The following AOAH variants were observed in gnomAD, a reference collection of about 807,000 sequenced individuals.
AOAH encodes the protein acyloxyacyl hydrolase (neutrophil).
In AOAH, 64 loss-of-function variants were observed where a neutral mutation model predicts 92.2. The observed-to-expected ratio is 0.69, with a 90% CI of 0.57 to 0.86. The LOEUF is 0.86. Ranked by LOEUF, AOAH falls within the 40% of genes least tolerant of loss-of-function variation. AOAH has a pLI of 0.00. For synonymous variants in AOAH, 263 were observed against 254.5 expected, an observed-to-expected ratio of 1.03 and a Z score of -0.32; for missense variants, 656 against 694.6, an observed-to-expected ratio of 0.94 and a Z score of 0.62.
At chr7:36,638,052 A>T in intron 4 of AOAH, 142 bp from the exon 5 acceptor site, 1 of 709,994 alleles carries the variant, frequency 1.4e-6, no homozygotes, top group Non-Finnish European at 2.3e-6. Flanking sequence ...AATTCACAAG[A>T]AGGCAATTTC....
At chr7:36,658,002 T>C (rs1013472668) in intron 4 of AOAH, among the ~76,000 whole-genome samples, 1 of 152,018 alleles carries the variant, frequency 6.6e-6, no homozygotes, top group African/African-American at 2.4e-5. Context: ...AAACAGAAAA[T>C]ATTATGATAT....
intron 11 of AOAH, among the ~76,000 whole-genome samples, chr7:36,610,046 C>G (rs1440992628): frequency 6.6e-6 from 1 of 150,910 alleles, no homozygotes; most frequent in East Asian, 1.9e-4. Flanking sequence ...CTTACCTAGG[C>G]TGACTCCTTG....
chr7:36,552,016 A>T (rs1168741122), intron 13 of AOAH, among the ~76,000 whole-genome samples: 1 of 152,222 alleles, frequency 6.6e-6, no homozygotes, highest in Non-Finnish European at 1.5e-5. Flanking sequence ...TCACCCAGGT[A>T]CTGAGCATAG....
chr7:36,660,233 G>A (rs1795128370), intron 3 of AOAH, among the ~76,000 whole-genome samples: 1 of 152,204 alleles, frequency 6.6e-6, no homozygotes, highest in Non-Finnish European at 1.5e-5. Flanking sequence ...AGCCTGTTTG[G>A]TGGTCTCTTC....
rs573532390 is a variant in AOAH at position 36,670,623 on chromosome 7, C to T, written c.290+3320G>A. On this transcript the variant is annotated intron_variant, in intron 3 of 20. Coordinates refer to ENST00000617537, the MANE Select transcript of AOAH (RefSeq NM_001637.4). Reference sequence around the variant, plus strand: ...CCGAGTAGCTGGGACTACAGGCGCGCGCCACCACACCCGGCTAATTTTTTT... The same window carrying T: ...CCGAGTAGCTGGGACTACAGGCGCGTGCCACCACACCCGGCTAATTTTTTT... 4.9e-4 allele frequency among the ~76,000 whole-genome samples: 74 copies of T among 152,184 alleles called. 1 individual carries two copies. Among genetic ancestry groups the T allele is most frequent in the African/African-American group, 1.5e-3 (62 of 41,524 alleles).
intron 12 of AOAH, among the ~76,000 whole-genome samples, chr7:36,581,914 C>G (rs1378659862): frequency 1.3e-5 from 2 of 152,132 alleles, no homozygotes; most frequent in African/African-American, 4.8e-5. Flanking sequence ...TATAATCTCT[C>G]TTATATATTT....
rs758999474 is a variant in AOAH, at chr7:36,594,542, A to G, written c.847-112T>C. The stretch of plus-strand genomic sequence containing the variant: ...TCTGTGTGTCTGTTTCCCACTCTCA[A>G]TCTCTCGCTTTAAGGGCTTTTGGTA... On this transcript the variant is annotated intron_variant, in intron 11 of 20. Coordinates refer to ENST00000617537, the MANE Select transcript of AOAH (RefSeq NM_001637.4). The G allele has an allele frequency of 2.5e-5, 22 of 893,792 alleles. No homozygotes were observed. In the East Asian group the frequency reaches 3.7e-4, roughly 15 times the overall value. The allele number at this position is 893,792 out of a possible 1,614,324, so 55.4% of individuals were successfully genotyped here.
At chr7:36,529,344 A>G (rs1290645255) in intron 19 of AOAH, among the ~76,000 whole-genome samples, 5 of 152,238 alleles carry the variant, frequency 3.3e-5, no homozygotes, top group African/African-American at 1.2e-4. Context: ...TGTTTACACC[A>G]GGAATTCATT....
At chr7:36,551,347 C>T (rs1786240664) in intron 13 of AOAH, among the ~76,000 whole-genome samples, 1 of 152,154 alleles carries the variant, frequency 6.6e-6, no homozygotes, top group Non-Finnish European at 1.5e-5. Flanking sequence ...GCTGGGATTA[C>T]AGGTGTGAGC....
chr7:36,669,020 A>C (rs556001653), intron 3 of AOAH, among the ~76,000 whole-genome samples: 5 of 152,380 alleles, frequency 3.3e-5, no homozygotes, highest in African/African-American at 1.2e-4. Context: ...GATTGCTTGA[A>C]TTAGAATCAT....
chr7:36,640,720 C>T (rs1047515543), intron 4 of AOAH, among the ~76,000 whole-genome samples: 1 of 152,148 alleles, frequency 6.6e-6, no homozygotes, highest in Non-Finnish European at 1.5e-5. Context: ...GGTACTCTAC[C>T]TAAGATTCAG....
intron 19 of AOAH, among the ~76,000 whole-genome samples, chr7:36,529,131 T>TC (rs901934303): frequency 1.1e-4 from 17 of 152,140 alleles, no homozygotes; most frequent in East Asian, 1.9e-4. Flanking sequence ...AGATATGGTA[T>TC]CCCCATTTCC....
At chr7:36,717,623 A>T (rs1307878635) in intron 1 of AOAH, among the ~76,000 whole-genome samples, 3 of 151,994 alleles carry the variant, frequency 2.0e-5, no homozygotes, top group Non-Finnish European at 4.4e-5. Context: ...CTGGCGGCCA[A>T]CATTTTTTGT....
chr7:36,657,600 C>T (rs1224940406), intron 4 of AOAH, among the ~76,000 whole-genome samples: 3 of 152,184 alleles, frequency 2.0e-5, no homozygotes, highest in African/African-American at 7.2e-5. Flanking sequence ...AGGGTGAAGG[C>T]CTAGAACAGC....
chr7:36,566,785 G>A (rs919044647), intron 13 of AOAH, among the ~76,000 whole-genome samples: 2 of 152,228 alleles, frequency 1.3e-5, no homozygotes, highest in East Asian at 3.9e-4. Flanking sequence ...AGGGAAAAAT[G>A]CCTCACGTAA....
In AOAH at chr7:36,616,421, G is replaced by A; in HGVS notation, c.805C>T (p.His269Tyr). ...GCTGTGATCCATTCAGGAGAGATGT[G>A]AAAATGAGCCCCAGCTGAGTCTCCC... is the stretch of plus-strand genomic sequence containing the variant. ...LLGDSAGAHFHISPEWITASQ... is the reference protein window; with the variant it reads ...LLGDSAGAHFYISPEWITASQ... The change falls in exon 11 of 21, where the codon CAC (histidine) becomes TAC (tyrosine). Residue 269 changes from histidine to tyrosine, a missense_variant. Physicochemically the swap from His to Tyr is moderately conservative, Grantham distance 83 (BLOSUM62 2). Coordinates refer to ENST00000617537, the MANE Select transcript of AOAH (RefSeq NM_001637.4). 1 of 1,614,068 alleles carries A rather than the reference G, an allele frequency of 6.2e-7. No homozygotes were observed. Among genetic ancestry groups the A allele is most frequent in the Non-Finnish European group, 8.5e-7 (1 of 1,179,956 alleles).
intron 4 of AOAH, among the ~76,000 whole-genome samples, chr7:36,642,273 T>A (rs548701166): frequency 6.6e-6 from 1 of 152,156 alleles, no homozygotes; most frequent in East Asian, 1.9e-4. Context: ...GGGCTGCTAA[T>A]CCAGTATTAT....
intron 1 of AOAH, among the ~76,000 whole-genome samples, chr7:36,692,848 T>C (rs943113262): frequency 6.6e-6 from 1 of 152,202 alleles, no homozygotes; most frequent in Non-Finnish European, 1.5e-5. Context: ...AGTATTGTGA[T>C]AGAGGAACCT....
chr7:36,516,372 ACCACACAC>A lies in AOAH; in HGVS notation c.1600-3000_1600-2993del, dbSNP rs1783705941. Reference sequence around the variant, plus strand: ...ACACCCCCACAGAAAGCACACAGATACCACACACACCCCCACAGAAAGCACACAGATAC... The same window carrying A: ...ACACCCCCACAGAAAGCACACAGATAACCCCCACAGAAAGCACACAGATAC... On this transcript the variant is annotated intron_variant, in intron 20 of 20. Coordinates refer to ENST00000617537, the MANE Select transcript of AOAH (RefSeq NM_001637.4). This position sits in a 1 kb window ranked among gnomAD's most constrained non-coding sequence, Gnocchi z 5.0. Among the ~76,000 whole-genome samples, 1 of 120,502 alleles carries A rather than the reference ACCACACAC, an allele frequency of 8.3e-6. No homozygotes were observed. The highest frequency in any genetic ancestry group is 3.2e-5 in the African/African-American group (1 of 30,892). The allele number at this position is 120,502 out of a possible 152,430, so 79.1% of individuals were successfully genotyped here.
Sources: allele counts gnomAD v4.1 joint callset (sites outside exome capture counted in the v4.1 genomes callset), GRCh38; gene constraint gnomAD v4.1.1; non-coding constraint Gnocchi (gnomAD v3.1); transcripts MANE v1.5; gene names NCBI Gene and HGNC (gene_info 2026-07-23, HGNC 2026-07-21).